Variants in SRGAP2 observed in about 807,000 individuals in gnomAD.
The protein encoded by SRGAP2 is SLIT-ROBO Rho GTPase-activating protein 2.
A neutral mutation model predicts 57.2 loss-of-function variants in SRGAP2; 15 were observed. That is an observed-to-expected ratio of 0.26 (90% CI 0.18 to 0.40). SRGAP2 has a LOEUF of 0.40. Ranked by LOEUF, SRGAP2 falls within the 10% of genes least tolerant of loss-of-function variation. The pLI, the probability that SRGAP2 is intolerant of heterozygous loss-of-function variation, is 1.00. For missense variants in SRGAP2, 520 were observed against 669.6 expected (o/e 0.78, Z 2.47); for synonymous variants, 249 against 248.0 (o/e 1.00, Z -0.04).
chr1:206,375,282 G>A (rs1469310019), intron 4 of SRGAP2, among the ~76,000 whole-genome samples: 2 of 151,734 alleles, frequency 1.3e-5, no homozygotes. Flanking sequence ...TGTCCCTTAT[G>A]TCCCAGTCTA....
intron 3 of SRGAP2, among the ~76,000 whole-genome samples, chr1:206,334,505 G>A (rs1384871324): frequency 2.0e-5 from 3 of 151,948 alleles, no homozygotes; most frequent in Non-Finnish European, 4.4e-5. Flanking sequence ...GGGACTCATT[G>A]TCCCAGGGAC....
intron 3 of SRGAP2, among the ~76,000 whole-genome samples, chr1:206,304,046 G>A (rs1672043237): frequency 2.0e-5 from 3 of 152,100 alleles, no homozygotes; most frequent in Non-Finnish European, 4.4e-5. Flanking sequence ...TGATGTTGAG[G>A]CCATTACATC....
At chr1:206,410,987 A>G (rs532981469) in intron 10 of SRGAP2, among the ~76,000 whole-genome samples, 80 of 152,290 alleles carry the variant, frequency 5.3e-4, no homozygotes, top group African/African-American at 1.8e-3. Context: ...CAGCCTCCCA[A>G]GTAGCTGGGA....
chr1:206,270,015 C>CTA (rs1670102537), intron 2 of SRGAP2, among the ~76,000 whole-genome samples: 1 of 60,390 alleles, frequency 1.7e-5, no homozygotes, highest in African/African-American at 6.7e-5. Context: ...AATTCAGGAG[C>CTA]TATGTAAGAA....
chr1:206,363,138 C>CG, intron 4 of SRGAP2, among the ~76,000 whole-genome samples: 1 of 151,998 alleles, frequency 6.6e-6, no homozygotes, highest in South Asian at 2.1e-4. Context: ...AAAAGCGTTC[C>CG]GGAACTACAG....
chr1:206,458,514 C>T lies in SRGAP2; in HGVS notation c.2508-109C>T, dbSNP rs561879062. ...CGAGGAGAGAACGAGTTCTGTGTCC[C>T]TCTCCTTCCGAAGTCCCTGGGTGCC... On this transcript the variant is annotated intron_variant, in intron 21 of 22. Transcript: ENST00000573034. 3.0e-5 allele frequency: 21 copies of T among 699,682 alleles called. No individual in the cohort carries two copies. The East Asian group carries it at 4.0e-4, about 13-fold the overall frequency. The allele number at this position is 699,682 out of a possible 1,614,324, so 43.3% of individuals were successfully genotyped here. A position where few individuals can be genotyped will look rare whatever the true frequency, so the allele number is the denominator to read the frequency against.
At chr1:206,434,656 GAGCAA>G (rs1661573317) in intron 14 of SRGAP2, among the ~76,000 whole-genome samples, 1 of 152,162 alleles carries the variant, frequency 6.6e-6, no homozygotes, top group African/African-American at 2.4e-5. Context: ...TCTGTCTGTT[GAGCAA>G]GAACACATAG....
intron 13 of SRGAP2, among the ~76,000 whole-genome samples, chr1:206,421,585 AG>A (rs1660309690): frequency 6.6e-6 from 1 of 152,234 alleles, no homozygotes; most frequent in Non-Finnish European, 1.5e-5. Context: ...ACCACAAAAG[AG>A]GCTTGACACT....
chr1:206,458,546 T>G, intron 21 of SRGAP2, 77 bp from the exon 22 acceptor site: 1 of 679,336 alleles, frequency 1.5e-6, no homozygotes, highest in Non-Finnish European at 2.7e-6. Context: ...TGCCAACATC[T>G]GCCCCCTCCC....
rs190441869 is a variant in SRGAP2, at chr1:206,434,891, A to T, written c.1556-2074A>T. 1.8e-3 allele frequency among the ~76,000 whole-genome samples: 276 copies of T among 152,380 alleles called. 1 individual carries two copies. The highest frequency in any genetic ancestry group is 6.1e-3 in the African/African-American group (255 of 41,588). ...AAGAATTTGTGCAATGGCTTCACCA[A>T]CTAGAACATAGTGAGTAGCCTGGTT... On this transcript the variant is annotated intron_variant, in intron 14 of 22. Coordinates refer to ENST00000573034, the MANE Select transcript of SRGAP2 (RefSeq NM_015326.5).
chr1:206,336,091 CAAG>C (rs1247054899), intron 3 of SRGAP2, among the ~76,000 whole-genome samples: 1 of 142,452 alleles, frequency 7.0e-6, no homozygotes, highest in African/African-American at 2.6e-5. Flanking sequence ...GCTGTTCTCT[CAAG>C]GGTGTGGTTC....
At chr1:206,419,123 A>G (rs781873958) in intron 11 of SRGAP2, among the ~76,000 whole-genome samples, 2 of 152,096 alleles carry the variant, frequency 1.3e-5, no homozygotes, top group Non-Finnish European at 2.9e-5. Context: ...CCTAAGGTTT[A>G]GGGGGACTGA....
At chr1:206,430,316 A>G in intron 14 of SRGAP2, 94 bp downstream of exon 14, 1 of 740,326 alleles carries the variant, frequency 1.4e-6, no homozygotes, top group South Asian at 1.4e-5. Flanking sequence ...TTGACTTCCC[A>G]TCCTGGCATT....
At chr1:206,290,374 C>T (rs1450074848) in intron 2 of SRGAP2, among the ~76,000 whole-genome samples, 4 of 152,232 alleles carry the variant, frequency 2.6e-5, no homozygotes, top group Middle Eastern at 3.4e-3. Context: ...AAGTCGGGCA[C>T]GGTGGCTCAT....
chr1:206,424,453 G>A (rs889287287), intron 13 of SRGAP2, among the ~76,000 whole-genome samples: 3 of 152,208 alleles, frequency 2.0e-5, no homozygotes, highest in Non-Finnish European at 2.9e-5. Context: ...TCAGGAGTTC[G>A]AGACCAGCCT....
Position 206,290,369 on chromosome 1 carries a change from G to A in SRGAP2, c.68-12912G>A, listed in dbSNP as rs1224124954. Among the ~76,000 whole-genome samples the A allele has an allele frequency of 2.0e-3, 308 of 152,206 alleles. 1 individual carries two copies. Among genetic ancestry groups the A allele is most frequent in the African/African-American group, 7.1e-3 (294 of 41,534 alleles). ...GTATTATCAGAAATGTATATAAGTCGGGCACGGTGGCTCATGCCTGTAATC... is the reference window on the plus strand; with the variant it reads ...GTATTATCAGAAATGTATATAAGTCAGGCACGGTGGCTCATGCCTGTAATC... On this transcript the variant is annotated intron_variant, in intron 2 of 22. Coordinates refer to ENST00000573034, the MANE Select transcript of SRGAP2 (RefSeq NM_015326.5).
intron 3 of SRGAP2, among the ~76,000 whole-genome samples, chr1:206,325,617 A>G (rs1468906692): frequency 6.7e-6 from 1 of 149,838 alleles, no homozygotes; most frequent in Non-Finnish European, 1.5e-5. Context: ...AGTGCTGGGA[A>G]TGCAAGTGTG....
intron 18 of SRGAP2, among the ~76,000 whole-genome samples, chr1:206,446,701 T>A (rs1662785885): frequency 1.3e-5 from 2 of 152,308 alleles, no homozygotes; most frequent in South Asian, 4.1e-4. Context: ...TTCCCTTCCT[T>A]TTGGGAAGAG....
intron 3 of SRGAP2, among the ~76,000 whole-genome samples, chr1:206,333,851 A>G (rs536977743): frequency 6.6e-6 from 1 of 151,904 alleles, no homozygotes; most frequent in South Asian, 2.1e-4. Context: ...GGAGTTTCAC[A>G]TTTTTCATCC....
Sources: gnomAD v4.1 joint callset for allele counts (sites outside exome capture counted in the v4.1 genomes callset) on GRCh38, gnomAD v4.1.1 for gene constraint, MANE v1.5 for transcripts, NCBI Gene and HGNC (gene_info 2026-07-23, HGNC 2026-07-21) for gene names.